NRG3: variants seen among roughly 807,000 people sequenced by gnomAD.
The protein encoded by NRG3 is neuregulin 3.
In NRG3, 31 loss-of-function variants were observed where a neutral mutation model predicts 66.9. The observed-to-expected ratio is 0.46, with a 90% confidence interval of 0.35 to 0.63. The LOEUF (loss-of-function observed/expected upper bound fraction) is 0.63. NRG3 is among the 20% of genes least tolerant of loss of function. The probability of loss-of-function intolerance (pLI) is 0.00; values close to 1 mark genes in which losing one functional copy is unlikely to be tolerated. For missense variants in NRG3, 910 were observed against 878.9 expected, an observed-to-expected ratio of 1.04 and a Z score of -0.45; for synonymous variants, 393 against 359.4, an observed-to-expected ratio of 1.09 and a Z score of -1.06.
At chr10:82,738,725 G>A in intron 3 of NRG3, 75 bp downstream of exon 3, 1 of 1,260,974 alleles carries the variant, frequency 7.9e-7, no homozygotes, top group Non-Finnish European at 1.2e-6. Context: ...TGTTAACTCA[G>A]CTGAAAGCTA....
At chr10:82,619,836 T>G (rs906587415) in intron 2 of NRG3, among the ~76,000 whole-genome samples, 31 of 152,256 alleles carry the variant, frequency 2.0e-4, no homozygotes, top group African/African-American at 7.0e-4. Context: ...GAGAAAGGCC[T>G]TAGCAGAAAC....
chr10:82,488,829 GATCTTCAT>G (rs1842884590), intron 2 of NRG3, among the ~76,000 whole-genome samples: 1 of 152,068 alleles, frequency 6.6e-6, no homozygotes, highest in Admixed American at 6.5e-5. Context: ...TTTTCATGAA[GATCTTCAT>G]ACCATAGGGT....
chr10:82,867,446 G>T (rs1415048684), intron 4 of NRG3, among the ~76,000 whole-genome samples: 1 of 152,168 alleles, frequency 6.6e-6, no homozygotes, highest in Non-Finnish European at 1.5e-5. Flanking sequence ...ATGGAACCCT[G>T]AGAGAACAGA....
chr10:82,764,283 C>A (rs1262693944), intron 3 of NRG3, among the ~76,000 whole-genome samples: 3 of 152,106 alleles, frequency 2.0e-5, no homozygotes, highest in Non-Finnish European at 4.4e-5. Context: ...GATCTGCCCG[C>A]TTCAGCTTTC....
intron 2 of NRG3, among the ~76,000 whole-genome samples, chr10:82,721,576 C>A (rs914666713): frequency 6.6e-6 from 1 of 152,120 alleles, no homozygotes; most frequent in Non-Finnish European, 1.5e-5. Flanking sequence ...GCACCCTCCG[C>A]CACACCTGGC....
intron 1 of NRG3, among the ~76,000 whole-genome samples, chr10:82,242,923 T>G (rs1564702334): frequency 6.6e-6 from 1 of 152,242 alleles, no homozygotes; most frequent in East Asian, 1.9e-4. Flanking sequence ...ACCTACAGTC[T>G]GACCCTTTTG....
intron 6 of NRG3, among the ~76,000 whole-genome samples, chr10:82,970,734 CA>C (rs1851643369): frequency 1.3e-5 from 2 of 152,086 alleles, no homozygotes; most frequent in African/African-American, 2.4e-5. Flanking sequence ...TCAAATTTTA[CA>C]TATTTTTTTC....
intron 1 of NRG3, among the ~76,000 whole-genome samples, chr10:82,287,004 G>A (rs1347092704): frequency 6.6e-6 from 1 of 152,184 alleles, no homozygotes; most frequent in Non-Finnish European, 1.5e-5. Flanking sequence ...CAAGTGAGAA[G>A]AGTTAATTAA....
chr10:82,800,833 A>G lies in NRG3; in HGVS notation c.1027+62183A>G, dbSNP rs538987958. On this transcript the variant is annotated intron_variant, in intron 3 of 8. Transcript: ENST00000372141. Reference sequence around the variant, plus strand: ...TCACTTCCCTTAAGGTGACCTGAGCAGAATCCAAATCCTTTGACTTGATGT... The same window carrying G: ...TCACTTCCCTTAAGGTGACCTGAGCGGAATCCAAATCCTTTGACTTGATGT... Among the ~76,000 whole-genome samples, 15 of 152,320 alleles carry G rather than the reference A, an allele frequency of 9.8e-5. No homozygotes were observed. In the East Asian group the frequency reaches 2.5e-3, roughly 26 times the overall value.
chr10:82,945,753 C>T (rs773169379), intron 4 of NRG3, among the ~76,000 whole-genome samples: 20 of 152,148 alleles, frequency 1.3e-4, no homozygotes, highest in Admixed American at 2.6e-4. Flanking sequence ...CATAAAGGCC[C>T]CACTTCTTAG....
intron 2 of NRG3, among the ~76,000 whole-genome samples, chr10:82,719,448 C>A (rs1321229890): frequency 6.6e-6 from 1 of 152,186 alleles, no homozygotes; most frequent in Non-Finnish European, 1.5e-5. Flanking sequence ...GCTCTTAGAT[C>A]CATGTCCTGG....
chr10:82,785,214 G>C (rs575546296), intron 3 of NRG3, among the ~76,000 whole-genome samples: 2 of 151,692 alleles, frequency 1.3e-5, no homozygotes, highest in African/African-American at 4.8e-5. Flanking sequence ...TGGGGTAGGG[G>C]GAAGGGGGAG....
At chr10:82,247,621 A>G (rs2077302018) in intron 1 of NRG3, among the ~76,000 whole-genome samples, 1 of 152,168 alleles carries the variant, frequency 6.6e-6, no homozygotes, top group African/African-American at 2.4e-5. Flanking sequence ...AATACTTGAT[A>G]CAAATTCACC....
intron 1 of NRG3, among the ~76,000 whole-genome samples, chr10:82,303,328 C>T (rs73306672): frequency 0.017 from 2,349 of 137,090 alleles, 59 homozygotes; most frequent in African/African-American, 0.059. Context: ...TACTACTGTG[C>T]GTGTATAAAC....
chr10:82,102,222 C>T (rs1162350532), intron 1 of NRG3, among the ~76,000 whole-genome samples: 2 of 145,444 alleles, frequency 1.4e-5, no homozygotes, highest in Non-Finnish European at 3.0e-5. Context: ...TAATGGTCCT[C>T]AATATCCCTA....
chr10:82,765,780 G>C (rs989271208), intron 3 of NRG3, among the ~76,000 whole-genome samples: 3 of 152,100 alleles, frequency 2.0e-5, no homozygotes, highest in African/African-American at 7.2e-5. Context: ...GTAATGTGTA[G>C]CAAGGTTTGT....
At chr10:82,110,929 G>GA (rs1207588475) in intron 1 of NRG3, among the ~76,000 whole-genome samples, 7 of 150,610 alleles carry the variant, frequency 4.6e-5, no homozygotes, top group African/African-American at 9.7e-5. Context: ...ATAGAGAAAA[G>GA]AAAAAAAAAG....
intron 1 of NRG3, among the ~76,000 whole-genome samples, chr10:81,931,407 T>G (rs1378105101): frequency 6.6e-6 from 1 of 152,174 alleles, no homozygotes; most frequent in Non-Finnish European, 1.5e-5. Flanking sequence ...AACAAAAGAT[T>G]TCCCTGAAAC....
chr10:82,431,859 T>A (rs1159914067), intron 2 of NRG3, among the ~76,000 whole-genome samples: 1 of 152,198 alleles, frequency 6.6e-6, no homozygotes, highest in Non-Finnish European at 1.5e-5. Flanking sequence ...TTCTGCAACT[T>A]GAGTGATTTT....
Sources: allele counts gnomAD v4.1 joint callset (sites outside exome capture counted in the v4.1 genomes callset), GRCh38; gene constraint gnomAD v4.1.1; transcripts MANE v1.5; gene names NCBI Gene and HGNC (gene_info 2026-07-23, HGNC 2026-07-21).